Variants in PAPSS2 observed in about 807,000 individuals in gnomAD.
The protein encoded by PAPSS2 is 3'-phosphoadenosine 5'-phosphosulfate synthase 2.
In PAPSS2, 61 loss-of-function variants were observed where a neutral mutation model predicts 66.5. That is an observed-to-expected ratio of 0.92 (90% CI 0.75 to 1.14). The LOEUF (loss-of-function observed/expected upper bound fraction) is 1.14. Among genes scored for constraint, PAPSS2 ranks in the 50% most tolerant of loss-of-function variants. The pLI is 0.00. For synonymous variants in PAPSS2, 289 were observed against 287.5 expected, an observed-to-expected ratio of 1.01 and a Z score of -0.05; for missense variants, 708 against 789.6, an observed-to-expected ratio of 0.90 and a Z score of 1.24.
At position 87,746,063 on chromosome 10, in the gene PAPSS2, A is replaced by T. The variant is rs552856979; in HGVS notation, c.*93A>T. 9.4e-5 allele frequency: 112 copies of T among 1,196,768 alleles called. No homozygotes were observed. The African/African-American group carries it at 1.4e-3, about 15-fold the overall frequency. 74.1% of individuals were successfully genotyped at this position (1,196,768 alleles called of 1,614,324 possible). On this transcript the variant is annotated 3_prime_UTR_variant, in exon 13 of 13. Coordinates refer to ENST00000456849, the MANE Select transcript of PAPSS2 (RefSeq NM_001015880.2). ...CTTTGTATTAAATTGCTTCTCAATG[A>T]TGCATTTTAATCTTTTATAATGAAG...
At chr10:87,713,011 GT>G in intron 2 of PAPSS2, 63 bp from the exon 3 acceptor site, 1 of 839,264 alleles carries the variant, frequency 1.2e-6, no homozygotes, top group Non-Finnish European at 2.1e-6. Flanking sequence ...TACTAGATTA[GT>G]TCACAATTTG....
intron 1 of PAPSS2, among the ~76,000 whole-genome samples, chr10:87,673,578 A>ATGTG (rs35768490): frequency 0.022 from 3,299 of 148,148 alleles, 124 homozygotes; most frequent in African/African-American, 0.077. Context: ...GTATGTATTC[A>ATGTG]TGTGTGTGTG....
Position 87,659,902 on chromosome 10 carries a change from T to TGCTGCC in PAPSS2, c.-77_-72dup. 6.9e-7 allele frequency: 1 copy of TGCTGCC among 1,446,688 alleles called. No individual in the cohort carries two copies. The highest frequency in any genetic ancestry group is 1.4e-5 in the African/African-American group (1 of 71,546). 89.6% of individuals were successfully genotyped at this position (1,446,688 alleles called of 1,614,324 possible). On this transcript the variant is annotated 5_prime_UTR_variant, in exon 1 of 13. Transcript: ENST00000456849. ...CAGCCGCTGCTGCTGCTGCTGCTGCTGCTGCCGCCGCCGCCGCCGCCGTCC... is the reference window on the plus strand; with the variant it reads ...CAGCCGCTGCTGCTGCTGCTGCTGCTGCTGCCGCTGCCGCCGCCGCCGCCGCCGTCC...
chr10:87,713,332 A>AAAAAAAAAAAAAAAAAAAAC, intron 3 of PAPSS2, 22 bp downstream of exon 3: 1 of 1,314,026 alleles, frequency 7.6e-7, no homozygotes, highest in African/African-American at 1.5e-5. Flanking sequence ...AAAAAAAAAA[A>AAAAAAAAAAAAAAAAAAAAC]AAGGCACTAC....
chr10:87,672,211 C>T (rs1446116169), intron 1 of PAPSS2, among the ~76,000 whole-genome samples: 1 of 152,088 alleles, frequency 6.6e-6, no homozygotes, highest in African/African-American at 2.4e-5. Flanking sequence ...TGGCCAAGTC[C>T]CATGTTTTGT....
intron 11 of PAPSS2, among the ~76,000 whole-genome samples, chr10:87,744,299 T>C (rs1171807761): frequency 6.6e-6 from 1 of 152,168 alleles, no homozygotes; most frequent in Non-Finnish European, 1.5e-5. Context: ...GGAAAGGATA[T>C]CTTTAAAAGA....
At chr10:87,740,197 A>C (rs1853850008) in intron 9 of PAPSS2, among the ~76,000 whole-genome samples, 3 of 152,218 alleles carry the variant, frequency 2.0e-5, no homozygotes, top group Admixed American at 2.0e-4. Flanking sequence ...TTTCAAGCAA[A>C]ATATTTTTGG....
At chr10:87,688,447 A>AT (rs150325295) in intron 1 of PAPSS2, among the ~76,000 whole-genome samples, 29 of 89,898 alleles carry the variant, frequency 3.2e-4, no homozygotes, top group African/African-American at 5.3e-4. Flanking sequence ...TTTTTATTTT[A>AT]TTTATTTATT....
chr10:87,707,169 A>C (rs1853401689), intron 1 of PAPSS2, among the ~76,000 whole-genome samples: 1 of 152,160 alleles, frequency 6.6e-6, no homozygotes, highest in Non-Finnish European at 1.5e-5. Context: ...ACACCCCTAA[A>C]GGGCCACGCA....
chr10:87,684,608 G>T (rs1046125844), intron 1 of PAPSS2, among the ~76,000 whole-genome samples: 5 of 152,194 alleles, frequency 3.3e-5, no homozygotes, highest in Non-Finnish European at 5.9e-5. Flanking sequence ...TTAGTGTTGT[G>T]CGTAGCTGTC....
In PAPSS2 at chr10:87,743,358, G is replaced by T. The variant is rs1253862981; in HGVS notation, c.1223-15G>T. 1 of 1,612,654 alleles carries T rather than the reference G, an allele frequency of 6.2e-7. No individual in the cohort carries two copies. Among genetic ancestry groups the T allele is most frequent in the Admixed American group, 1.7e-5 (1 of 60,004 alleles). On this transcript the variant is annotated splice_polypyrimidine_tract_variant and intron_variant, in intron 10 of 12. Coordinates refer to ENST00000456849, the MANE Select transcript of PAPSS2 (RefSeq NM_001015880.2). ...GTGTTTCTGTGACCTTCCTTCTTCT[G>T]CTTTCCTCTCCCAGATGCGGTGTTT...
intron 11 of PAPSS2, among the ~76,000 whole-genome samples, chr10:87,744,553 G>C (rs1853912617): frequency 6.6e-6 from 1 of 152,198 alleles, no homozygotes; most frequent in Non-Finnish European, 1.5e-5. Context: ...TTTAAAGAGG[G>C]TAAGTGTTAT....
chr10:87,718,045 CT>C (rs1476414435), intron 7 of PAPSS2, among the ~76,000 whole-genome samples: 1 of 149,592 alleles, frequency 6.7e-6, no homozygotes, highest in Non-Finnish European at 1.5e-5. Context: ...TCTTTTTTTT[CT>C]TTTTTCTTTT....
intron 1 of PAPSS2, among the ~76,000 whole-genome samples, chr10:87,698,882 A>G (rs1853267785): frequency 6.6e-6 from 1 of 152,054 alleles, no homozygotes; most frequent in Non-Finnish European, 1.5e-5. Context: ...CAACAATAAA[A>G]CCCCTATGTT....
At chr10:87,680,856 TAC>T (rs1416222712) in intron 1 of PAPSS2, among the ~76,000 whole-genome samples, 1 of 152,194 alleles carries the variant, frequency 6.6e-6, no homozygotes, top group Non-Finnish European at 1.5e-5. Flanking sequence ...TTCTACGTTA[TAC>T]AATCTTTTGT....
At position 87,704,818 on chromosome 10, in the gene PAPSS2, T is replaced by C. The variant is rs1341470813; in HGVS notation, c.28-4378T>C. Reference sequence around the variant, plus strand: ...CACCCTGCACAGCTAATTTTTGTATTTTTAGTAGAGACAGGGTTTTACCGT... The same window carrying C: ...CACCCTGCACAGCTAATTTTTGTATCTTTAGTAGAGACAGGGTTTTACCGT... On this transcript the variant is annotated intron_variant, in intron 1 of 12. Transcript: ENST00000456849. Among the ~76,000 whole-genome samples, 3 of 152,032 alleles carry C rather than the reference T, an allele frequency of 2.0e-5. No individual in the cohort carries two copies. In the East Asian group the frequency reaches 5.8e-4, roughly 29 times the overall value.
At chr10:87,727,593 A>G (rs1853676379) in intron 9 of PAPSS2, 104 bp downstream of exon 9, 6 of 957,944 alleles carry the variant, frequency 6.3e-6, no homozygotes, top group Non-Finnish European at 8.2e-6. Flanking sequence ...AACTGGGATT[A>G]GGTGGAAGAA....
At chr10:87,696,883 A>T (rs1163461801) in intron 1 of PAPSS2, among the ~76,000 whole-genome samples, 1 of 152,252 alleles carries the variant, frequency 6.6e-6, no homozygotes, top group Non-Finnish European at 1.5e-5. Flanking sequence ...AGTTGAGAAG[A>T]TGGTGCAAGG....
chr10:87,704,104 TG>T, intron 1 of PAPSS2: 1 of 448,444 alleles, frequency 2.2e-6, no homozygotes, highest in Non-Finnish European at 4.4e-6. Context: ...TGCTTCTATT[TG>T]TTTGCCTTTT....
Sources: allele counts gnomAD v4.1 joint callset (sites outside exome capture counted in the v4.1 genomes callset), GRCh38; gene constraint gnomAD v4.1.1; transcripts MANE v1.5; gene names NCBI Gene and HGNC (gene_info 2026-07-23, HGNC 2026-07-21).